Variants in FMN2 observed in about 807,000 individuals in gnomAD.
FMN2 encodes formin-2.
A neutral mutation model predicts 142.3 loss-of-function variants in FMN2; 51 were observed. The ratio of observed to expected loss-of-function variants is 0.36; its 90% CI spans 0.29 to 0.45. The LOEUF is 0.45. Among genes scored for constraint, FMN2 ranks in the 20% least tolerant of loss-of-function variants. FMN2 has a pLI of 1.00. For synonymous variants in FMN2, 882 were observed against 869.8 expected, an observed-to-expected ratio of 1.01 and a Z score of -0.25; for missense variants, 1,936 against 2,122.8, an observed-to-expected ratio of 0.91 and a Z score of 1.73.
At chr1:240,434,871 G>T (rs1246925022) in intron 15 of FMN2, among the ~76,000 whole-genome samples, 2 of 147,802 alleles carry the variant, frequency 1.4e-5, no homozygotes, top group Non-Finnish European at 3.0e-5. Context: ...TTTTTTTAAA[G>T]TATTTACACT....
intron 2 of FMN2, among the ~76,000 whole-genome samples, chr1:240,162,247 C>T (rs1369664824): frequency 6.6e-6 from 1 of 152,056 alleles, no homozygotes; most frequent in Non-Finnish European, 1.5e-5. Flanking sequence ...AGGTGGATCA[C>T]AGGGTCAGGA....
In FMN2 at chr1:240,123,220, G is replaced by A. The variant is rs201654893; in HGVS notation, c.1657G>A (p.Gly553Arg). Residue 553 changes from glycine (G) to arginine (R), a missense_variant, in exon 2 of 18, where the codon GGG becomes AGG. Transcript: ENST00000319653. ...LEKLFSQQENGPPEEAEKFCS... is the reference protein window; with the variant it reads ...LEKLFSQQENRPPEEAEKFCS... ...GAAGCTGTTCAGCCAGCAGGAGAAC[G>A]GGCCTCCAGAAGAAGCAGAGAAGTT... 62 of 1,614,128 alleles carry A rather than the reference G, an allele frequency of 3.8e-5. No homozygotes were observed. In the African/African-American group the frequency reaches 7.5e-4, roughly 19 times the overall value.
chr1:240,367,788 A>G (rs924056195), intron 14 of FMN2, among the ~76,000 whole-genome samples: 8 of 151,226 alleles, frequency 5.3e-5, no homozygotes, highest in East Asian at 3.9e-4. Context: ...AAAAAAAAAA[A>G]AAAGAAATCC....
chr1:240,241,487 A>G (rs1667894038), intron 6 of FMN2, among the ~76,000 whole-genome samples: 1 of 152,186 alleles, frequency 6.6e-6, no homozygotes. Context: ...AGCAGAGGAC[A>G]AGTGAACTTT....
At chr1:240,307,947 C>T (rs1454167782) in intron 8 of FMN2, among the ~76,000 whole-genome samples, 1 of 152,120 alleles carries the variant, frequency 6.6e-6, no homozygotes, top group African/African-American at 2.4e-5. Context: ...AGAGATCATT[C>T]ACCTTCTTGG....
chr1:240,192,268 T>C (rs886488849), intron 4 of FMN2, among the ~76,000 whole-genome samples: 5 of 152,160 alleles, frequency 3.3e-5, no homozygotes, highest in African/African-American at 1.2e-4. Context: ...GGAGTAGCCT[T>C]GTGGATGGTC....
At chr1:240,360,502 C>T (rs750714592) in intron 14 of FMN2, among the ~76,000 whole-genome samples, 12 of 152,184 alleles carry the variant, frequency 7.9e-5, no homozygotes, top group Admixed American at 2.0e-4. Flanking sequence ...TTCAGTTGTA[C>T]GTTTTCCTTC....
At chr1:240,126,060 A>G (rs373609856) in intron 2 of FMN2, among the ~76,000 whole-genome samples, 2 of 152,150 alleles carry the variant, frequency 1.3e-5, no homozygotes, top group African/African-American at 2.4e-5. Flanking sequence ...TATGCCCTAT[A>G]CTTAAATAGC....
intron 8 of FMN2, among the ~76,000 whole-genome samples, chr1:240,319,724 G>A (rs1670906929): frequency 6.6e-6 from 1 of 152,236 alleles, no homozygotes; most frequent in South Asian, 2.1e-4. Flanking sequence ...TCTTTGATGT[G>A]ATTAACTAAT....
chr1:240,219,426 G>C (rs532217460), intron 6 of FMN2, among the ~76,000 whole-genome samples: 1 of 152,180 alleles, frequency 6.6e-6, no homozygotes, highest in East Asian at 1.9e-4. Flanking sequence ...CTACCAGAAG[G>C]GATGCTGGTG....
At chr1:240,321,128 A>G (rs1461775247) in intron 8 of FMN2, among the ~76,000 whole-genome samples, 1 of 151,860 alleles carries the variant, frequency 6.6e-6, no homozygotes, top group Non-Finnish European at 1.5e-5. Context: ...TACTTGTGTG[A>G]TTATTTAAAT....
At chr1:240,382,592 C>T (rs1025005583) in intron 14 of FMN2, among the ~76,000 whole-genome samples, 11 of 151,716 alleles carry the variant, frequency 7.3e-5, no homozygotes, top group Non-Finnish European at 1.5e-5. Flanking sequence ...ACCCAGGAGG[C>T]GGGGGTTGCA....
chr1:240,144,123 A>G, intron 2 of FMN2: 2 of 1,206,810 alleles, frequency 1.7e-6, no homozygotes, highest in Non-Finnish European at 2.5e-6. Context: ...CACATCCCAC[A>G]GCAGCAGCAT....
rs566073656 is a variant in FMN2, at chr1:240,416,127, T to A, written c.4911-21934T>A. ...GGGGAAGTAACTCCTCCCATCAGTA[T>A]CTCATCTGGATACTTCTCTCTCCTG... On this transcript the variant is annotated intron_variant, in intron 15 of 17. Coordinates refer to ENST00000319653, the MANE Select transcript of FMN2 (RefSeq NM_020066.5). 6.6e-5 allele frequency among the ~76,000 whole-genome samples: 10 copies of A among 152,246 alleles called. No individual in the cohort carries two copies. The South Asian group carries it at 1.9e-3, about 28-fold the overall frequency.
At chr1:240,104,727 C>T (rs568293280) in intron 1 of FMN2, among the ~76,000 whole-genome samples, 1 of 152,184 alleles carries the variant, frequency 6.6e-6, no homozygotes, top group East Asian at 1.9e-4. Flanking sequence ...GGTGAATTTC[C>T]ACCTTGTTTT....
chr1:240,127,385 A>T lies in FMN2; in HGVS notation c.1782+4040A>T, dbSNP rs570210446. ...CCATACCTGGCTTTTTTTTTTTTTT[A>T]AATGGGAGCTTTTGGGAGGTTTTAT... is the stretch of plus-strand genomic sequence containing the variant. On this transcript the variant is annotated intron_variant, in intron 2 of 17. Transcript: ENST00000319653. Among the ~76,000 whole-genome samples the T allele has an allele frequency of 5.5e-3, 804 of 145,784 alleles. 3 individuals are homozygous for T. The highest frequency in any genetic ancestry group is 0.019 in the African/African-American group (735 of 39,286).
chr1:240,301,308 G>A (rs947902750), intron 8 of FMN2, among the ~76,000 whole-genome samples: 2 of 151,214 alleles, frequency 1.3e-5, no homozygotes, highest in African/African-American at 4.9e-5. Context: ...CTCCATATAG[G>A]GCTTTTTGCT....
intron 8 of FMN2, among the ~76,000 whole-genome samples, chr1:240,328,167 A>AAAAAAAAAAAGAAAG (rs1558435720): frequency 1.4e-5 from 2 of 141,058 alleles, no homozygotes; most frequent in African/African-American, 5.4e-5. Context: ...AAAAAAAAAA[A>AAAAAAAAAAAGAAAG]AAAAAGAAAA....
chr1:240,197,586 C>T (rs1269267318), intron 4 of FMN2, among the ~76,000 whole-genome samples: 1 of 152,122 alleles, frequency 6.6e-6, no homozygotes, highest in Non-Finnish European at 1.5e-5. Flanking sequence ...AGAGGACACT[C>T]ATCTGGTGTC....
Sources: gnomAD v4.1 joint callset for allele counts (sites outside exome capture counted in the v4.1 genomes callset) on GRCh38, gnomAD v4.1.1 for gene constraint, MANE v1.5 for transcripts, NCBI Gene and HGNC (gene_info 2026-07-23, HGNC 2026-07-21) for gene names.